The following SRGAP1 variants were observed in gnomAD, a reference collection of about 807,000 sequenced individuals.
SRGAP1 encodes SLIT-ROBO Rho GTPase-activating protein 1.
In SRGAP1, 43 loss-of-function variants were observed where a neutral mutation model predicts 121.9. The observed-to-expected ratio is 0.35, with a 90% CI of 0.28 to 0.46. SRGAP1 has a LOEUF of 0.46. SRGAP1 is among the 20% of genes least tolerant of loss of function. SRGAP1 has a pLI of 1.00. For missense variants in SRGAP1, 1,102 were observed against 1,350.9 expected (o/e 0.82, Z 2.89); for synonymous variants, 447 against 485.4 (o/e 0.92, Z 1.04).
At position 64,145,240 on chromosome 12, in the gene SRGAP1, TTTA is replaced by T. The variant is rs1193639622; in HGVS notation, c.*2571_*2573del. The T allele has an allele frequency of 6.6e-6, 1 of 152,182 alleles. No individual in the cohort carries two copies. The highest frequency in any genetic ancestry group is 1.5e-5 in the Non-Finnish European group (1 of 68,038). 9.4% of individuals were successfully genotyped at this position (152,182 alleles called of 1,614,324 possible). On this transcript the variant is annotated 3_prime_UTR_variant, in exon 22 of 22. Transcript: ENST00000355086. Reference sequence around the variant, plus strand: ...TCAAAGGGCCAGAGGTGTCTTTGAATTTATTTTTTTTCAATGTCTTTTCTGAGC... The same window carrying T: ...TCAAAGGGCCAGAGGTGTCTTTGAATTTTTTTTTCAATGTCTTTTCTGAGC...
intron 1 of SRGAP1, among the ~76,000 whole-genome samples, chr12:63,880,132 T>G (rs1052052605): frequency 1.3e-5 from 2 of 152,168 alleles, no homozygotes; most frequent in Non-Finnish European, 1.5e-5. Context: ...CTGCACACAC[T>G]CTCTAGCCTG....
intron 1 of SRGAP1, among the ~76,000 whole-genome samples, chr12:63,916,001 TG>T (rs1366030839): frequency 2.0e-5 from 3 of 151,146 alleles, no homozygotes; most frequent in Non-Finnish European, 4.4e-5. Flanking sequence ...GGAAGCAAAA[TG>T]CTCAGAAATG....
intron 4 of SRGAP1, among the ~76,000 whole-genome samples, chr12:64,041,027 ATTG>A (rs1415676029): frequency 4.6e-5 from 7 of 152,278 alleles, no homozygotes; most frequent in African/African-American, 1.2e-4. Flanking sequence ...ACATTATGAA[ATTG>A]TTATGTTCTA....
At chr12:64,052,664 C>T (rs555621226) in intron 6 of SRGAP1, among the ~76,000 whole-genome samples, 3 of 152,028 alleles carry the variant, frequency 2.0e-5, no homozygotes, top group Admixed American at 2.0e-4. Context: ...TAGATATATG[C>T]CTTAAATATG....
At chr12:64,065,556 T>C (rs2136540526) in intron 8 of SRGAP1, among the ~76,000 whole-genome samples, 1 of 152,326 alleles carries the variant, frequency 6.6e-6, no homozygotes, top group African/African-American at 2.4e-5. Context: ...GTGGAACTTT[T>C]GACTAACATG....
chr12:64,083,389 A>C (rs368309029), intron 10 of SRGAP1, among the ~76,000 whole-genome samples: 1 of 152,162 alleles, frequency 6.6e-6, no homozygotes, highest in African/African-American at 2.4e-5. Flanking sequence ...AACTACAGAC[A>C]TGTGTTTGGC....
intron 10 of SRGAP1, chr12:64,081,714 A>G (rs1023648015): frequency 3.9e-5 from 6 of 151,996 alleles, no homozygotes; most frequent in Admixed American, 1.3e-4. Context: ...AAAGAAGAAC[A>G]TTCTTATTCT....
rs1347286477 is a variant in SRGAP1 at position 63,868,081 on chromosome 12, TTTTTTTTTTTTG to T, written c.67+23205_67+23216del. 1.7e-3 allele frequency among the ~76,000 whole-genome samples: 138 copies of T among 81,566 alleles called. 4 individuals are homozygous for T. The highest frequency in any genetic ancestry group is 4.2e-3 in the East Asian group (8 of 1,904). 53.5% of individuals were successfully genotyped at this position (81,566 alleles called of 152,430 possible). On this transcript the variant is annotated intron_variant, in intron 1 of 21. Coordinates refer to ENST00000355086, the MANE Select transcript of SRGAP1 (RefSeq NM_020762.4). ...ATTTTTTTTTTTTTTTTTTTTTTGT[TTTTTTTTTTTTG>T]TTTTTTGAGATAGAGTTTCACTCTG...
intron 8 of SRGAP1, among the ~76,000 whole-genome samples, chr12:64,078,479 G>T (rs918244815): frequency 6.6e-6 from 1 of 152,118 alleles, no homozygotes; most frequent in Non-Finnish European, 1.5e-5. Context: ...GAAGGAGAGG[G>T]TATAGGTGTA....
At chr12:64,080,489 T>G (rs2035818079) in intron 10 of SRGAP1, 119 bp downstream of exon 10, 1 of 915,562 alleles carries the variant, frequency 1.1e-6, no homozygotes, top group Admixed American at 2.0e-5. Context: ...ACTCTGTGTT[T>G]AGATTTGGTT....
chr12:64,027,450 G>A (rs1408782408), intron 4 of SRGAP1, among the ~76,000 whole-genome samples: 1 of 152,048 alleles, frequency 6.6e-6, no homozygotes, highest in Non-Finnish European at 1.5e-5. Flanking sequence ...TCTAAAAATG[G>A]ACTTGAGAGG....
chr12:64,068,291 AAAAAAG>A (rs2035576791), intron 8 of SRGAP1, among the ~76,000 whole-genome samples: 1 of 111,884 alleles, frequency 8.9e-6, no homozygotes, highest in African/African-American at 3.8e-5. Flanking sequence ...AAAAAAAAAA[AAAAAAG>A]TAGTAGGCAC....
At position 63,957,237 on chromosome 12, in the gene SRGAP1, G is replaced by C. The variant is rs2032500321; in HGVS notation, c.68-26710G>C. 2.0e-5 allele frequency among the ~76,000 whole-genome samples: 3 copies of C among 152,282 alleles called. No individual in the cohort carries two copies. The South Asian group carries it at 6.2e-4, about 32-fold the overall frequency. On this transcript the variant is annotated intron_variant, in intron 1 of 21. Coordinates refer to ENST00000355086, the MANE Select transcript of SRGAP1 (RefSeq NM_020762.4). ...ATTGAAGATCGTGAATCACAGGCCG[G>C]GGTCCTCACCATTGCCCTAACTGGT...
chr12:63,876,383 G>T (rs1900029358), intron 1 of SRGAP1, among the ~76,000 whole-genome samples: 1 of 152,138 alleles, frequency 6.6e-6, no homozygotes, highest in Non-Finnish European at 1.5e-5. Context: ...GTTATGGGAA[G>T]TATCATTTGG....
intron 1 of SRGAP1, among the ~76,000 whole-genome samples, chr12:63,937,257 G>A (rs1202942104): frequency 6.6e-6 from 1 of 152,110 alleles, no homozygotes; most frequent in Non-Finnish European, 1.5e-5. Flanking sequence ...CATTTAGTAG[G>A]AAAAACTGGG....
chr12:63,869,667 G>T, intron 1 of SRGAP1, among the ~76,000 whole-genome samples: 1 of 152,066 alleles, frequency 6.6e-6, no homozygotes, highest in East Asian at 1.9e-4. Context: ...CTCCTTAATG[G>T]TGACTCAGAA....
intron 1 of SRGAP1, among the ~76,000 whole-genome samples, chr12:63,933,739 AAGCTTGAGTAGTCAG>A (rs769294851): frequency 1.3e-5 from 2 of 152,170 alleles, no homozygotes; most frequent in Non-Finnish European, 2.9e-5. Context: ...TTACAACAAA[AAGCTTGAGTAGTCAG>A]AGCTTGAATC....
intron 6 of SRGAP1, among the ~76,000 whole-genome samples, chr12:64,048,426 A>G (rs2035176324): frequency 6.6e-6 from 1 of 152,164 alleles, no homozygotes; most frequent in Non-Finnish European, 1.5e-5. Context: ...AGTTGCTTCC[A>G]AATCTTGACT....
rs571872439 is a variant in SRGAP1 at position 64,110,429 on chromosome 12, C to T, written c.1920-1333C>T. On this transcript the variant is annotated intron_variant, in intron 16 of 21. Coordinates refer to ENST00000355086, the MANE Select transcript of SRGAP1 (RefSeq NM_020762.4). ...TGCTTCCAGTGGTTCTACCCAGAGG[C>T]CCCCTAGCTGGTTGCACCTGCCTTC... Among the ~76,000 whole-genome samples the T allele has an allele frequency of 1.3e-3, 196 of 152,340 alleles. 3 individuals are homozygous for T. The highest frequency in any genetic ancestry group is 4.5e-3 in the African/African-American group (189 of 41,572).
Sources: allele counts gnomAD v4.1 joint callset (sites outside exome capture counted in the v4.1 genomes callset), GRCh38; gene constraint gnomAD v4.1.1; transcripts MANE v1.5; gene names NCBI Gene and HGNC (gene_info 2026-07-23, HGNC 2026-07-21).